Variants in TRERF1 observed in about 807,000 individuals in gnomAD.
The protein encoded by TRERF1 is transcriptional regulating factor 1, also known as transcriptional-regulating factor 1.
A neutral mutation model predicts 122.9 loss-of-function variants in TRERF1; 27 were observed. That is an observed-to-expected ratio of 0.22 (90% CI 0.16 to 0.30). The LOEUF (loss-of-function observed/expected upper bound fraction) is 0.30, where lower values mean the gene tolerates loss of function less well. Ranked by LOEUF, TRERF1 falls within the 10% of genes least tolerant of loss-of-function variation. The pLI is 1.00. For synonymous variants in TRERF1, 636 were observed against 641.7 expected (o/e 0.99, Z 0.13); for missense variants, 1,248 against 1,560.3 (o/e 0.80, Z 3.37).
chr6:42,431,542 C>T (rs1056580848), intron 2 of TRERF1, among the ~76,000 whole-genome samples: 1 of 152,154 alleles, frequency 6.6e-6, no homozygotes, highest in African/African-American at 2.4e-5. Context: ...CCTGATACTC[C>T]AATTAGTGGG....
intron 2 of TRERF1, among the ~76,000 whole-genome samples, chr6:42,424,285 T>C (rs1204878972): frequency 6.6e-6 from 1 of 152,198 alleles, no homozygotes. Context: ...TGTATGTGAA[T>C]GTACAACATT....
rs531560106 is a variant in TRERF1, at chr6:42,246,640, G to A, written c.2657-96C>T. 113 of 835,592 alleles carry A rather than the reference G, an allele frequency of 1.4e-4. 1 individual carries two copies. In the South Asian group the frequency reaches 1.9e-3, roughly 14 times the overall value. 51.8% of individuals were successfully genotyped at this position (835,592 alleles called of 1,614,324 possible). Reference sequence around the variant, plus strand: ...TTAAGTTACAAAATACAACTACAGAGCAAGTGATATAATACATATCAAACT... The same window carrying A: ...TTAAGTTACAAAATACAACTACAGAACAAGTGATATAATACATATCAAACT... On this transcript the variant is annotated intron_variant, in intron 13 of 17. Transcript: ENST00000372922.
chr6:42,245,060 A>C (rs1310027447), intron 14 of TRERF1, among the ~76,000 whole-genome samples: 1 of 152,234 alleles, frequency 6.6e-6, no homozygotes, highest in Non-Finnish European at 1.5e-5. Flanking sequence ...TCCACACTAG[A>C]ATCACCTGAG....
At chr6:42,235,295 C>A (rs1389902741) in intron 16 of TRERF1, among the ~76,000 whole-genome samples, 1 of 152,146 alleles carries the variant, frequency 6.6e-6, no homozygotes, top group Non-Finnish European at 1.5e-5. Flanking sequence ...CAAGGGGCAA[C>A]ATTATTTTGA....
At chr6:42,295,455 A>G (rs1344144316) in intron 4 of TRERF1, among the ~76,000 whole-genome samples, 1 of 152,152 alleles carries the variant, frequency 6.6e-6, no homozygotes, top group East Asian at 1.9e-4. Context: ...TGATAATGGG[A>G]GATGGTGCTC....
At chr6:42,418,104 T>C (rs1334511336) in intron 2 of TRERF1, among the ~76,000 whole-genome samples, 1 of 152,032 alleles carries the variant, frequency 6.6e-6, no homozygotes, top group Non-Finnish European at 1.5e-5. Context: ...CCCAATCACC[T>C]GAAGGTCTTG....
chr6:42,246,853 A>C (rs915471204), intron 13 of TRERF1, among the ~76,000 whole-genome samples: 2 of 152,242 alleles, frequency 1.3e-5, no homozygotes, highest in African/African-American at 4.8e-5. Context: ...GATAATGCAC[A>C]AAAAGTGTCC....
At position 42,269,017 on chromosome 6, in the gene TRERF1, G is replaced by T; in HGVS notation, c.574C>A (p.Pro192Thr). 9.3e-6 allele frequency: 15 copies of T among 1,613,928 alleles called. No individual in the cohort carries two copies. Among genetic ancestry groups the T allele is most frequent in the Non-Finnish European group, 1.2e-5 (14 of 1,179,870 alleles). ...CGGGAAGGGATAGCCGGTGCTGGGG[G>T]CTCCATGGGCTTCTGAGACAGCAGC... The change falls in exon 5 of 18, where the codon CCC (proline) becomes ACC (threonine). Residue 192 changes from proline (P) to threonine (T), a missense_variant. Pro to Thr is a conservative substitution (Grantham distance 38). Transcript: ENST00000372922. The surrounding 1 kb of genome is among the most constrained non-coding windows in gnomAD (Gnocchi z 4.9).
Position 42,263,740 on chromosome 6 carries a change from ATGG to A in TRERF1, c.1636-175_1636-173del, listed in dbSNP as rs1296333168. 6.6e-6 allele frequency among the ~76,000 whole-genome samples: 1 copy of A among 152,188 alleles called. No individual in the cohort carries two copies. Among genetic ancestry groups the A allele is most frequent in the Non-Finnish European group, 1.5e-5 (1 of 68,026 alleles). ...CCCTTGGCTGGAGTGATGCCAGCTGATGGTGGAAGAGGCTGGACTCCATTTTTT... is the reference window on the plus strand; with the variant it reads ...CCCTTGGCTGGAGTGATGCCAGCTGATGGAAGAGGCTGGACTCCATTTTTT... On this transcript the variant is annotated intron_variant, in intron 7 of 17. Transcript: ENST00000372922. This position sits in a 1 kb window ranked among gnomAD's most constrained non-coding sequence, Gnocchi z 5.6.
At chr6:42,229,465 C>T (rs1770086697) in intron 17 of TRERF1, among the ~76,000 whole-genome samples, 1 of 152,154 alleles carries the variant, frequency 6.6e-6, no homozygotes, top group Non-Finnish European at 1.5e-5. Flanking sequence ...AAGGATCTGC[C>T]CACACGCACT....
chr6:42,320,209 T>G (rs1322307677), intron 3 of TRERF1, among the ~76,000 whole-genome samples: 1 of 152,066 alleles, frequency 6.6e-6, no homozygotes, highest in African/African-American at 2.4e-5. Context: ...ATAACTAAAT[T>G]ATATTATATT....
At chr6:42,322,100 G>A (rs529726870) in intron 3 of TRERF1, among the ~76,000 whole-genome samples, 50 of 152,162 alleles carry the variant, frequency 3.3e-4, no homozygotes, top group African/African-American at 9.9e-4. Flanking sequence ...TTACTGCACC[G>A]GGACTCAGGA....
intron 5 of TRERF1, among the ~76,000 whole-genome samples, chr6:42,266,522 A>G (rs1347899815): frequency 6.6e-6 from 1 of 152,130 alleles, no homozygotes; most frequent in Non-Finnish European, 1.5e-5. Flanking sequence ...TAGCCAAATC[A>G]TCTCATTCTT....
chr6:42,398,414 C>T (rs1245711516), intron 2 of TRERF1, among the ~76,000 whole-genome samples: 1 of 152,176 alleles, frequency 6.6e-6, no homozygotes, highest in Non-Finnish European at 1.5e-5. Context: ...TTCCTAAGCA[C>T]CTTTCCATAA....
chr6:42,422,106 A>AG (rs1356099424), intron 2 of TRERF1, among the ~76,000 whole-genome samples: 1 of 151,978 alleles, frequency 6.6e-6, no homozygotes, highest in Non-Finnish European at 1.5e-5. Context: ...CAGGAGACAG[A>AG]GGTTGCAGTG....
chr6:42,287,983 A>C (rs549949056), intron 4 of TRERF1, among the ~76,000 whole-genome samples: 27 of 152,008 alleles, frequency 1.8e-4, no homozygotes, highest in African/African-American at 6.5e-4. Flanking sequence ...GAAGCCACAC[A>C]AAGTTTCCAT....
intron 2 of TRERF1, among the ~76,000 whole-genome samples, chr6:42,449,222 C>A (rs980137285): frequency 1.3e-5 from 2 of 152,226 alleles, no homozygotes; most frequent in African/African-American, 4.8e-5. Context: ...ATGGAACCTG[C>A]AAAATTAATC....
Position 42,268,317 on chromosome 6 carries a change from T to C in TRERF1, c.1274A>G (p.Asp425Gly). ...CATTCCTGTGTCAGGAGGCCCCAGG[T>C]CCCCATGGGAGCTCAGCATGGCCTG... Residue 425 changes from aspartate (D) to glycine (G), a missense_variant, in exon 5 of 18, where the codon GAC becomes GGC. Transcript: ENST00000372922. The surrounding 1 kb of genome is among the most constrained non-coding windows in gnomAD (Gnocchi z 4.4). 1 of 1,513,968 alleles carries C rather than the reference T, an allele frequency of 6.6e-7. No individual in the cohort carries two copies. The highest frequency in any genetic ancestry group is 8.8e-7 in the Non-Finnish European group (1 of 1,132,176). The allele number at this position is 1,513,968 out of a possible 1,614,324, so 93.8% of individuals were successfully genotyped here. A position where few individuals can be genotyped will look rare whatever the true frequency, so the allele number is the denominator to read the frequency against.
chr6:42,320,304 A>T (rs1460441506), intron 3 of TRERF1, among the ~76,000 whole-genome samples: 2 of 152,054 alleles, frequency 1.3e-5, no homozygotes, highest in African/African-American at 2.4e-5. Context: ...TAAAGGGGTA[A>T]ATTTAGGATT....
Sources: gnomAD v4.1 joint callset for allele counts (sites outside exome capture counted in the v4.1 genomes callset) on GRCh38, gnomAD v4.1.1 for gene constraint, Gnocchi (gnomAD v3.1) non-coding constraint, MANE v1.5 for transcripts, NCBI Gene and HGNC (gene_info 2026-07-23, HGNC 2026-07-21) for gene names.